Variants in CTTNBP2NL observed in about 807,000 individuals in gnomAD.
The protein encoded by CTTNBP2NL is CTTNBP2 N-terminal like.
A neutral mutation model predicts 32.5 loss-of-function variants in CTTNBP2NL; 16 were observed. That is an observed-to-expected ratio of 0.49 (90% CI 0.33 to 0.75). The LOEUF (loss-of-function observed/expected upper bound fraction) is 0.75, where lower values mean the gene tolerates loss of function less well. Among genes scored for constraint, CTTNBP2NL ranks in the 30% least tolerant of loss-of-function variants. CTTNBP2NL has a pLI of 0.02. For missense variants in CTTNBP2NL, 645 were observed against 756.0 expected (o/e 0.85, Z 1.72); for synonymous variants, 298 against 289.4 (o/e 1.03, Z -0.30).
At chr1:112,394,190 G>T (rs940764683), upstream of CTTNBP2NL, among the ~76,000 whole-genome samples, 5 of 147,998 alleles carry the variant, frequency 3.4e-5, no homozygotes, top group Non-Finnish European at 7.4e-5. Flanking sequence ...GAGACAGAGC[G>T]AGACTCCATC....
intron 4 of CTTNBP2NL, among the ~76,000 whole-genome samples, chr1:112,450,587 G>A (rs1570745175): frequency 6.6e-6 from 1 of 152,264 alleles, no homozygotes; most frequent in East Asian, 1.9e-4. Context: ...TGACTGAGTT[G>A]TGTTGAAGCT....
At position 112,459,998 on chromosome 1, in the gene CTTNBP2NL, T is replaced by C. The variant is rs1650501012; in HGVS notation, c.*2586T>C. 1 of 152,176 alleles carries C rather than the reference T, an allele frequency of 6.6e-6. No homozygotes were observed. Among genetic ancestry groups the C allele is most frequent in the Non-Finnish European group, 1.5e-5 (1 of 68,020 alleles). 9.4% of individuals were successfully genotyped at this position (152,176 alleles called of 1,614,324 possible). On this transcript the variant is annotated 3_prime_UTR_variant, in exon 6 of 6. Coordinates refer to ENST00000271277, the MANE Select transcript of CTTNBP2NL (RefSeq NM_018704.3). ...GATCCAATAACCCAGTTAGGTATTATAGATTAGTATTTAAGTTTGCTGTAG... is the reference window on the plus strand; with the variant it reads ...GATCCAATAACCCAGTTAGGTATTACAGATTAGTATTTAAGTTTGCTGTAG...
At chr1:112,434,243 C>G (rs966051634) in intron 3 of CTTNBP2NL, among the ~76,000 whole-genome samples, 1 of 152,142 alleles carries the variant, frequency 6.6e-6, no homozygotes. Context: ...ACCCATATAT[C>G]CAAGTGCCTT....
At chr1:112,421,310 C>CTTTTCTTTTT (rs1553224539) in intron 3 of CTTNBP2NL, among the ~76,000 whole-genome samples, 14 of 115,882 alleles carry the variant, frequency 1.2e-4, no homozygotes, top group Non-Finnish European at 1.6e-4. Context: ...CATTTCTTTT[C>CTTTTCTTTTT]TTTTTTTTTT....
intron 3 of CTTNBP2NL, among the ~76,000 whole-genome samples, chr1:112,436,070 GCT>G (rs1649719441): frequency 5.2e-5 from 5 of 96,780 alleles, no homozygotes; most frequent in East Asian, 2.9e-4. Flanking sequence ...TTTGAGATTT[GCT>G]TTTTTTTTTG....
chr1:112,440,609 T>G (rs1011434692), intron 3 of CTTNBP2NL, among the ~76,000 whole-genome samples: 3 of 152,224 alleles, frequency 2.0e-5, no homozygotes, highest in Admixed American at 2.0e-4. Context: ...TGTTTCATTT[T>G]TAAGTTACTG....
intron 1 of CTTNBP2NL, among the ~76,000 whole-genome samples, chr1:112,408,064 C>T (rs1648729877): frequency 6.6e-6 from 1 of 151,724 alleles, no homozygotes; most frequent in Non-Finnish European, 1.5e-5. Flanking sequence ...CCAGGCTGGT[C>T]TCAAACTTCT....
chr1:112,418,999 T>G (rs1347848171), intron 3 of CTTNBP2NL, among the ~76,000 whole-genome samples: 1 of 152,214 alleles, frequency 6.6e-6, no homozygotes, highest in Non-Finnish European at 1.5e-5. Context: ...TGGTATTGCT[T>G]TATTTTAAAG....
intron 1 of CTTNBP2NL, among the ~76,000 whole-genome samples, chr1:112,397,836 A>G (rs1648376005): frequency 6.6e-6 from 1 of 152,224 alleles, no homozygotes; most frequent in Non-Finnish European, 1.5e-5. Flanking sequence ...ACGGAGGGTG[A>G]TTGTAATGAC....
At chr1:112,436,851 G>C (rs2101020936) in intron 3 of CTTNBP2NL, among the ~76,000 whole-genome samples, 1 of 152,160 alleles carries the variant, frequency 6.6e-6, no homozygotes. Flanking sequence ...TTCCTCTCTT[G>C]ATGTCCATGT....
intron 1 of CTTNBP2NL, among the ~76,000 whole-genome samples, chr1:112,404,804 C>T (rs566238295): frequency 6.6e-6 from 1 of 152,326 alleles, no homozygotes; most frequent in Admixed American, 6.5e-5. Flanking sequence ...GTAATTCCAG[C>T]ACTTTGGGAG....
upstream of CTTNBP2NL, among the ~76,000 whole-genome samples, chr1:112,394,205 T>TAAAA (rs60528857): frequency 6.8e-5 from 5 of 73,272 alleles, no homozygotes; most frequent in Non-Finnish European, 1.2e-4. Context: ...TCCATCTCGA[T>TAAAA]AAAAAAAAAA....
chr1:112,395,242 G>A (rs540633321), upstream of CTTNBP2NL, among the ~76,000 whole-genome samples: 1 of 152,292 alleles, frequency 6.6e-6, no homozygotes, highest in Non-Finnish European at 1.5e-5. Context: ...AAATAATGTG[G>A]TTATTGTAAA....
intron 1 of CTTNBP2NL, among the ~76,000 whole-genome samples, chr1:112,406,565 A>C (rs1176385512): frequency 6.6e-6 from 1 of 152,210 alleles, no homozygotes; most frequent in Admixed American, 6.5e-5. Context: ...ATAGCATATC[A>C]CCTAAGGTTG....
intron 3 of CTTNBP2NL, among the ~76,000 whole-genome samples, chr1:112,433,487 G>A (rs573381067): frequency 3.3e-5 from 5 of 152,242 alleles, no homozygotes; most frequent in Admixed American, 1.3e-4. Flanking sequence ...CACTACTCAG[G>A]AGGCTGAGGC....
intron 3 of CTTNBP2NL, among the ~76,000 whole-genome samples, chr1:112,416,997 A>C (rs1464104215): frequency 6.6e-6 from 1 of 152,102 alleles, no homozygotes; most frequent in Non-Finnish European, 1.5e-5. Context: ...GTTTTAGCCC[A>C]TTTCTAATTG....
At chr1:112,419,855 A>G (rs1649169693) in intron 3 of CTTNBP2NL, among the ~76,000 whole-genome samples, 1 of 152,196 alleles carries the variant, frequency 6.6e-6, no homozygotes, top group South Asian at 2.1e-4. Flanking sequence ...TTGGCCAAAA[A>G]TGATCCCATT....
intron 4 of CTTNBP2NL, among the ~76,000 whole-genome samples, chr1:112,451,270 C>T (rs1650209378): frequency 6.6e-6 from 1 of 151,256 alleles, no homozygotes; most frequent in Non-Finnish European, 1.5e-5. Context: ...GCCTCCCTTT[C>T]CTCTCCTTAA....
At chr1:112,443,204 C>A (rs1039957891) in intron 3 of CTTNBP2NL, among the ~76,000 whole-genome samples, 3 of 152,084 alleles carry the variant, frequency 2.0e-5, no homozygotes, top group African/African-American at 4.8e-5. Flanking sequence ...GAAGTTCATT[C>A]TATTTCACAG....
Sources: allele counts gnomAD v4.1 joint callset (sites outside exome capture counted in the v4.1 genomes callset), GRCh38; gene constraint gnomAD v4.1.1; transcripts MANE v1.5; gene names NCBI Gene and HGNC (gene_info 2026-07-23, HGNC 2026-07-21).